The following DNASE1 variants were observed in gnomAD, a reference collection of about 807,000 sequenced individuals.
DNASE1 encodes the protein deoxyribonuclease-1.
Under a neutral mutation model 33.9 loss-of-function variants are expected in DNASE1, and 40 were observed. The ratio of observed to expected loss-of-function variants is 1.18; its 90% CI spans 0.92 to 1.54. DNASE1 has a LOEUF of 1.54. DNASE1 is among the 40% of genes most tolerant of loss of function. The pLI is 0.00. For synonymous variants in DNASE1, 216 were observed against 160.0 expected (o/e 1.35, Z -2.64); for missense variants, 518 against 372.6 (o/e 1.39, Z -3.21).
chr16:3,658,660 A>G (rs1445065375), downstream of DNASE1: 1 of 870,028 alleles, frequency 1.1e-6, no homozygotes, highest in Non-Finnish European at 1.8e-6. Context: ...CAACAGAGCA[A>G]CACTCCATCT....
chr16:3,638,155 T>C (rs929062563), upstream of DNASE1, among the ~76,000 whole-genome samples: 2 of 151,680 alleles, frequency 1.3e-5, no homozygotes, highest in African/African-American at 4.9e-5. Flanking sequence ...CCCAGTACTT[T>C]AAAGATGTTA....
intron 1 of DNASE1, among the ~76,000 whole-genome samples, chr16:3,633,798 G>A (rs1050393489): frequency 4.0e-5 from 6 of 151,782 alleles, no homozygotes; most frequent in Admixed American, 6.6e-5. Context: ...ATTCAAAAGC[G>A]AAATTATTAT....
At chr16:3,644,890 A>T (rs1398990546) in intron 1 of DNASE1, among the ~76,000 whole-genome samples, 1 of 152,142 alleles carries the variant, frequency 6.6e-6, no homozygotes, top group East Asian at 1.9e-4. Flanking sequence ...GCACTTTGGG[A>T]GGCCAAGGCA....
At chr16:3,628,156 C>T (rs546724428) in intron 1 of DNASE1, among the ~76,000 whole-genome samples, 6 of 152,088 alleles carry the variant, frequency 3.9e-5, no homozygotes, top group East Asian at 3.9e-4. Flanking sequence ...AATCTTTTAC[C>T]TCCTTGGTTA....
chr16:3,633,180 C>T (rs1397623049), intron 1 of DNASE1, among the ~76,000 whole-genome samples: 1 of 152,092 alleles, frequency 6.6e-6, no homozygotes, highest in Non-Finnish European at 1.5e-5. Context: ...TTTTCTGTTG[C>T]TTTTATTCTT....
intron 1 of DNASE1, among the ~76,000 whole-genome samples, chr16:3,628,946 C>T (rs1487482959): frequency 4.1e-5 from 6 of 147,098 alleles, no homozygotes; most frequent in East Asian, 2.1e-4. Flanking sequence ...CCGAGGCGGG[C>T]GGATCACTTG....
chr16:3,629,588 G>T (rs1408460433), intron 1 of DNASE1, among the ~76,000 whole-genome samples: 1 of 152,166 alleles, frequency 6.6e-6, no homozygotes, highest in Non-Finnish European at 1.5e-5. Flanking sequence ...ATACTGGCCT[G>T]TTAGAATGAT....
At chr16:3,618,863 A>AT (rs999687785) in intron 1 of DNASE1, among the ~76,000 whole-genome samples, 59 of 151,426 alleles carry the variant, frequency 3.9e-4, no homozygotes, top group African/African-American at 9.4e-4. Flanking sequence ...CCGTTTTGTA[A>AT]TTTTTTTTTA....
chr16:3,643,675 C>T (rs1189280770), intron 1 of DNASE1, among the ~76,000 whole-genome samples: 2 of 152,242 alleles, frequency 1.3e-5, no homozygotes, highest in African/African-American at 2.4e-5. Context: ...AGAAAGGTGA[C>T]AGACCCACAG....
At chr16:3,658,775 C>T (rs369834769), downstream of DNASE1, 15 of 1,611,200 alleles carry the variant, frequency 9.3e-6, no homozygotes, top group African/African-American at 1.9e-4. Flanking sequence ...TGCAGTCATC[C>T]TAAGCTGCTG....
intron 7 of DNASE1, 22 bp downstream of exon 7, chr16:3,657,363 G>A (rs763172709): frequency 1.9e-6 from 3 of 1,609,854 alleles, no homozygotes; most frequent in African/African-American, 1.3e-5. Flanking sequence ...CTCGCGCTTA[G>A]GGCAGACTGA....
intron 1 of DNASE1, among the ~76,000 whole-genome samples, chr16:3,622,629 C>G (rs559870807): frequency 1.3e-5 from 2 of 151,580 alleles, no homozygotes. Context: ...AATTTTTTTT[C>G]TTTTTTGAGG....
chr16:3,636,121 GT>G (rs2041860986), intron 1 of DNASE1, among the ~76,000 whole-genome samples: 4 of 150,416 alleles, frequency 2.7e-5, no homozygotes, highest in Admixed American at 6.6e-5. Context: ...GTTCCATCTT[GT>G]TCATTCTTTT....
At chr16:3,629,140 C>T (rs979100405) in intron 1 of DNASE1, among the ~76,000 whole-genome samples, 1 of 145,504 alleles carries the variant, frequency 6.9e-6, no homozygotes, top group Admixed American at 6.9e-5. Flanking sequence ...CCACTGCACT[C>T]CAGCCTGGGC....
At chr16:3,629,065 G>T (rs2041616737) in intron 1 of DNASE1, among the ~76,000 whole-genome samples, 1 of 150,050 alleles carries the variant, frequency 6.7e-6, no homozygotes, top group African/African-American at 2.4e-5. Context: ...CCAGCTACTT[G>T]GGAAGCTGAG....
At position 3,613,865 on chromosome 16, in the gene DNASE1, C is replaced by T. The variant is rs370548762; in HGVS notation, c.-1359+1859C>T. On this transcript the variant is annotated intron_variant and NMD_transcript_variant, in intron 1 of 11. Transcript: ENST00000570769. ...CAAGCGATTCTCCTGCCTCAGCCTC[C>T]GGAGTAGCTGGGATTACAGGCGCCC... Among the ~76,000 whole-genome samples, 574 of 151,114 alleles carry T rather than the reference C, an allele frequency of 3.8e-3. 3 individuals are homozygous for T. Among genetic ancestry groups the T allele is most frequent in the African/African-American group, 0.013 (530 of 40,976 alleles).
chr16:3,625,950 A>G (rs565150995), intron 1 of DNASE1, among the ~76,000 whole-genome samples: 7 of 152,176 alleles, frequency 4.6e-5, no homozygotes, highest in Non-Finnish European at 7.3e-5. Flanking sequence ...CAATTTAAAA[A>G]TTAGCCGGGT....
At chr16:3,649,234 C>T (rs899370322) in intron 1 of DNASE1, among the ~76,000 whole-genome samples, 1 of 152,192 alleles carries the variant, frequency 6.6e-6, no homozygotes, top group Non-Finnish European at 1.5e-5. Context: ...TCAGGTCTAG[C>T]ATTCCTTCCT....
At chr16:3,627,758 A>G (rs1274518439) in intron 1 of DNASE1, among the ~76,000 whole-genome samples, 3 of 152,082 alleles carry the variant, frequency 2.0e-5, no homozygotes, top group African/African-American at 4.8e-5. Context: ...CTCTATTCCA[A>G]TAGTCTGTAT....
Sources: gnomAD v4.1 joint callset for allele counts (sites outside exome capture counted in the v4.1 genomes callset) on GRCh38, gnomAD v4.1.1 for gene constraint, MANE v1.5 for transcripts, NCBI Gene and HGNC (gene_info 2026-07-23, HGNC 2026-07-21) for gene names.